The following ACOX3 variants were observed in gnomAD, a reference collection of about 807,000 sequenced individuals.
The protein encoded by ACOX3 is peroxisomal acyl-coenzyme A oxidase 3.
In ACOX3, 73 loss-of-function variants were observed where a neutral mutation model predicts 81.5. The ratio of observed to expected loss-of-function variants is 0.90; its 90% CI spans 0.74 to 1.09. The LOEUF (loss-of-function observed/expected upper bound fraction) is 1.09. ACOX3 is among the 50% of genes least tolerant of loss of function. The pLI, the probability that ACOX3 is intolerant of heterozygous loss-of-function variation, is 0.00. For missense variants in ACOX3, 947 were observed against 928.0 expected (o/e 1.02, Z -0.27); for synonymous variants, 387 against 375.1 (o/e 1.03, Z -0.37).
At position 8,405,850 on chromosome 4, in the gene ACOX3, G is replaced by A. The variant is rs1720882233; in HGVS notation, c.776+105C>T. 5 of 1,162,096 alleles carry A rather than the reference G, an allele frequency of 4.3e-6. No homozygotes were observed. Among genetic ancestry groups the A allele is most frequent in the African/African-American group, 3.0e-5 (2 of 66,006 alleles). 72.0% of individuals were successfully genotyped at this position (1,162,096 alleles called of 1,614,324 possible). A position where few individuals can be genotyped will look rare whatever the true frequency, so the allele number is the denominator to read the frequency against. ...GTCCCCACCGCATTTGAGTCTAAGA[G>A]GGCAGGGCATGGCATCCATGGGGCC... On this transcript the variant is annotated intron_variant, in intron 7 of 17. Transcript: ENST00000356406. This position sits in a 1 kb window ranked among gnomAD's most constrained non-coding sequence, Gnocchi z 7.1.
At chr4:8,440,078 G>A (rs1006725453) in intron 1 of ACOX3, among the ~76,000 whole-genome samples, 6 of 152,192 alleles carry the variant, frequency 3.9e-5, no homozygotes, top group African/African-American at 1.2e-4. Flanking sequence ...TATGAAAAAA[G>A]CATTGCAAAA....
rs1417577697 is a variant in ACOX3 at position 8,381,859 on chromosome 4, T to C, written c.1538-252A>G. ...AGGGCTGTCCTGAGTTCTACACTGT[T>C]CCAGCAGCCTGGAGGCCACAGGAAC... On this transcript the variant is annotated intron_variant, in intron 13 of 17. Coordinates refer to ENST00000356406, the MANE Select transcript of ACOX3 (RefSeq NM_003501.3). This position sits in a 1 kb window ranked among gnomAD's most constrained non-coding sequence, Gnocchi z 4.3. Among the ~76,000 whole-genome samples the C allele has an allele frequency of 6.6e-6, 1 of 152,186 alleles. No homozygotes were observed. The highest frequency in any genetic ancestry group is 1.5e-5 in the Non-Finnish European group (1 of 68,022).
intron 14 of ACOX3, among the ~76,000 whole-genome samples, chr4:8,379,852 C>T (rs1249535203): frequency 2.6e-5 from 4 of 152,136 alleles, no homozygotes; most frequent in Admixed American, 2.6e-4. Flanking sequence ...GTGATGTGAT[C>T]ACGGCCTACT....
intron 1 of ACOX3, among the ~76,000 whole-genome samples, chr4:8,420,934 C>T (rs999833159): frequency 2.0e-5 from 3 of 152,204 alleles, no homozygotes; most frequent in Admixed American, 1.3e-4. Flanking sequence ...ACACTAGTCC[C>T]TGGGTTCCAC....
At chr4:8,356,328 T>C in the ACOX3 span, 47 of 358,276 alleles carry the variant, frequency 1.3e-4, no homozygotes, top group African/African-American at 9.8e-4. Flanking sequence ...ACACTGCTGG[T>C]ATAAGAAATC....
At chr4:8,396,144 G>T (rs929603014) in intron 9 of ACOX3, among the ~76,000 whole-genome samples, 3 of 152,212 alleles carry the variant, frequency 2.0e-5, no homozygotes, top group African/African-American at 7.2e-5. Flanking sequence ...CATCTCTGGG[G>T]ACGTGTAGGG....
chr4:8,387,318 G>C (rs560740798), intron 13 of ACOX3, among the ~76,000 whole-genome samples: 2 of 152,174 alleles, frequency 1.3e-5, no homozygotes, highest in African/African-American at 2.4e-5. Context: ...TAGGTTCCAC[G>C]GCCAGCAGGA....
intron 16 of ACOX3, among the ~76,000 whole-genome samples, chr4:8,371,351 G>A (rs1578849996): frequency 6.6e-6 from 1 of 152,146 alleles, no homozygotes; most frequent in Admixed American, 6.5e-5. Context: ...TCCAGTAAAG[G>A]AAAATATGTT....
chr4:8,423,068 T>C lies in ACOX3; in HGVS notation c.-14-6533A>G, dbSNP rs1410729531. 6.6e-6 allele frequency among the ~76,000 whole-genome samples: 1 copy of C among 152,144 alleles called. No individual in the cohort carries two copies. Among genetic ancestry groups the C allele is most frequent in the African/African-American group, 2.4e-5 (1 of 41,422 alleles). On this transcript the variant is annotated intron_variant, in intron 1 of 17. Coordinates refer to ENST00000356406, the MANE Select transcript of ACOX3 (RefSeq NM_003501.3). The surrounding 1 kb of genome is among the most constrained non-coding windows in gnomAD (Gnocchi z 4.2). Reference sequence around the variant, plus strand: ...GACCATTGGGGGCCAGAAGGTTAACTGTCTCCTGAACACTGGCATGGCCTT... The same window carrying C: ...GACCATTGGGGGCCAGAAGGTTAACCGTCTCCTGAACACTGGCATGGCCTT...
chr4:8,421,139 C>T (rs999340702), intron 1 of ACOX3, among the ~76,000 whole-genome samples: 2 of 152,160 alleles, frequency 1.3e-5, no homozygotes, highest in African/African-American at 2.4e-5. Flanking sequence ...TTGCTGGGCT[C>T]GTATGGGGAT....
chr4:8,391,345 G>A (rs1718977695), intron 11 of ACOX3, among the ~76,000 whole-genome samples: 2 of 152,154 alleles, frequency 1.3e-5, no homozygotes, highest in African/African-American at 4.8e-5. Context: ...AGTGGTGGGC[G>A]GATGATCGCT....
chr4:8,422,805 C>T (rs923596707), intron 1 of ACOX3, among the ~76,000 whole-genome samples: 2 of 152,126 alleles, frequency 1.3e-5, no homozygotes, highest in Non-Finnish European at 2.9e-5. Flanking sequence ...AAACGCTGGG[C>T]AAATCAAATG....
At chr4:8,377,647 A>G (rs1023383655) in intron 14 of ACOX3, among the ~76,000 whole-genome samples, 2 of 152,158 alleles carry the variant, frequency 1.3e-5, no homozygotes, top group Admixed American at 1.3e-4. Flanking sequence ...TCTTCCAGGA[A>G]AGGTCCACGT....
rs1403128833 is a variant in ACOX3, at chr4:8,382,774, C to T, written c.1538-1167G>A. Among the ~76,000 whole-genome samples the T allele has an allele frequency of 2.6e-5, 4 of 151,984 alleles. No individual in the cohort carries two copies. The highest frequency in any genetic ancestry group is 5.9e-5 in the Non-Finnish European group (4 of 67,972). On this transcript the variant is annotated intron_variant, in intron 13 of 17. Coordinates refer to ENST00000356406, the MANE Select transcript of ACOX3 (RefSeq NM_003501.3). This position sits in a 1 kb window ranked among gnomAD's most constrained non-coding sequence, Gnocchi z 4.1. ...TTGGGAGGCAGAGGCGGGCGGATCA[C>T]GAGGTCAGGAGATCGAGACCATCCT...
At chr4:8,403,538 G>A (rs981238405) in intron 7 of ACOX3, among the ~76,000 whole-genome samples, 3 of 152,212 alleles carry the variant, frequency 2.0e-5, no homozygotes, top group South Asian at 2.1e-4. Flanking sequence ...GAGACACGGT[G>A]GAAAGGCTCT....
rs1405290957 is a variant in ACOX3, at chr4:8,431,104, T to C, written c.-15+9544A>G. Among the ~76,000 whole-genome samples, 1 of 152,112 alleles carries C rather than the reference T, an allele frequency of 6.6e-6. No individual in the cohort carries two copies. The highest frequency in any genetic ancestry group is 1.5e-5 in the Non-Finnish European group (1 of 68,022). On this transcript the variant is annotated intron_variant, in intron 1 of 17. Coordinates refer to ENST00000356406, the MANE Select transcript of ACOX3 (RefSeq NM_003501.3). The surrounding 1 kb of genome is among the most constrained non-coding windows in gnomAD (Gnocchi z 5.3). ...TGGTTCTATTTAAGTTAGGGCATCA[T>C]CACAAAATGACATGGAGAAAACAAA... is the stretch of plus-strand genomic sequence containing the variant.
chr4:8,428,964 C>T (rs1723780668), intron 1 of ACOX3, among the ~76,000 whole-genome samples: 1 of 152,138 alleles, frequency 6.6e-6, no homozygotes, highest in Admixed American at 6.5e-5. Context: ...CTCAGAGAGC[C>T]CCTAGTGGAA....
intron 5 of ACOX3, among the ~76,000 whole-genome samples, chr4:8,413,443 G>GC (rs1315240781): frequency 2.5e-5 from 2 of 78,542 alleles, no homozygotes; most frequent in Non-Finnish European, 4.8e-5. Context: ...GAACCCCTGC[G>GC]CCCCTCCACA....
chr4:8,406,240 C>A lies in ACOX3; in HGVS notation c.688-197G>T, dbSNP rs1457510641. Among the ~76,000 whole-genome samples, 3 of 152,226 alleles carry A rather than the reference C, an allele frequency of 2.0e-5. No homozygotes were observed. The East Asian group carries it at 5.8e-4, about 29-fold the overall frequency. ...TGGAAGCTTATTTGGAAATAGGGTCCTGCAGATATAATGAATTTAAGAGCA... is the reference window on the plus strand; with the variant it reads ...TGGAAGCTTATTTGGAAATAGGGTCATGCAGATATAATGAATTTAAGAGCA... On this transcript the variant is annotated intron_variant, in intron 6 of 17. Coordinates refer to ENST00000356406, the MANE Select transcript of ACOX3 (RefSeq NM_003501.3). This position sits in a 1 kb window ranked among gnomAD's most constrained non-coding sequence, Gnocchi z 5.6.
Sources: gnomAD v4.1 joint callset for allele counts (sites outside exome capture counted in the v4.1 genomes callset) on GRCh38, gnomAD v4.1.1 for gene constraint, Gnocchi (gnomAD v3.1) non-coding constraint, MANE v1.5 for transcripts, NCBI Gene and HGNC (gene_info 2026-07-23, HGNC 2026-07-21) for gene names.